Variants in ABCC8 observed in about 807,000 individuals in gnomAD.
ABCC8 encodes ATP-binding cassette sub-family C member 8.
Under a neutral mutation model 188.0 loss-of-function variants are expected in ABCC8, and 137 were observed. The ratio of observed to expected loss-of-function variants is 0.73; its 90% CI spans 0.63 to 0.84. The LOEUF (loss-of-function observed/expected upper bound fraction) is 0.84. Ranked by LOEUF, ABCC8 falls within the 40% of genes least tolerant of loss-of-function variation. The pLI, the probability that ABCC8 is intolerant of heterozygous loss-of-function variation, is 0.00. For synonymous variants in ABCC8, 797 were observed against 846.5 expected (o/e 0.94, Z 1.01); for missense variants, 1,750 against 2,072.7 (o/e 0.84, Z 3.02).
Position 17,427,026 on chromosome 11 carries a change from G to C in ABCC8, c.2222+23C>G, listed in dbSNP as rs374180071. 8.7e-6 allele frequency: 14 copies of C among 1,611,852 alleles called. No homozygotes were observed. The African/African-American group carries it at 1.9e-4, about 22-fold the overall frequency. On this transcript the variant is annotated intron_variant, in intron 16 of 38. Transcript: ENST00000389817. The surrounding 1 kb of genome is among the most constrained non-coding windows in gnomAD (Gnocchi z 5.0). ...TTAAAAGGAGATTTCCCCTCCACTG[G>C]GCCCTGAGGATACATGTATTACCTG...
At chr11:17,441,287 C>A (rs1281292653) in intron 10 of ABCC8, among the ~76,000 whole-genome samples, 1 of 152,120 alleles carries the variant, frequency 6.6e-6, no homozygotes, top group African/African-American at 2.4e-5. Context: ...AGTTAAGAGA[C>A]TTTGGAGGAT....
intron 16 of ABCC8, among the ~76,000 whole-genome samples, chr11:17,421,192 T>C (rs1955324823): frequency 6.6e-6 from 1 of 152,114 alleles, no homozygotes; most frequent in Admixed American, 6.5e-5. Flanking sequence ...AAAATACACA[T>C]CTGCATGGGG....
At chr11:17,435,336 C>A (rs1221122301) in intron 10 of ABCC8, among the ~76,000 whole-genome samples, 3 of 152,154 alleles carry the variant, frequency 2.0e-5, no homozygotes, top group Non-Finnish European at 4.4e-5. Context: ...GGCATTGTTT[C>A]CACTGTCTCA....
rs1554928874 is a variant in ABCC8, at chr11:17,434,981, T to TCGCGCGCG, written c.1631-2738_1631-2737insCGCGCGCG. ...GAGTAGAATCATCAGCTGCGTGTGT[T>TCGCGCGCG]CGCGTGTGTGTGTGTGTGTGTGTGT... is the stretch of plus-strand genomic sequence containing the variant. On this transcript the variant is annotated intron_variant, in intron 10 of 38. Coordinates refer to ENST00000389817, the MANE Select transcript of ABCC8 (RefSeq NM_000352.6). Among the ~76,000 whole-genome samples the TCGCGCGCG allele has an allele frequency of 2.9e-4, 37 of 127,860 alleles. No individual in the cohort carries two copies. In the Middle Eastern group the frequency reaches 0.022, roughly 77 times the overall value. The allele number at this position is 127,860 out of a possible 152,430, so 83.9% of individuals were successfully genotyped here.
At chr11:17,407,941 C>A (rs931099258) in intron 23 of ABCC8, among the ~76,000 whole-genome samples, 2 of 152,044 alleles carry the variant, frequency 1.3e-5, no homozygotes, top group Admixed American at 1.3e-4. Context: ...GAGAATGGAG[C>A]CAATTTGAGG....
chr11:17,406,424 A>G (rs1954526416), intron 26 of ABCC8, 198 bp downstream of exon 26: 2 of 615,636 alleles, frequency 3.2e-6, no homozygotes, highest in East Asian at 2.8e-5. Flanking sequence ...CACAATGCCT[A>G]TCACAGTATC....
chr11:17,413,029 G>C (rs1200449339), intron 20 of ABCC8: 5 of 649,272 alleles, frequency 7.7e-6, no homozygotes, highest in Non-Finnish European at 1.3e-5. Context: ...TCACACAAAA[G>C]GAGGACAGTC....
In ABCC8 at chr11:17,439,414, C is replaced by T. The variant is rs148729166; in HGVS notation, c.1630+3306G>A. Among the ~76,000 whole-genome samples the T allele has an allele frequency of 1.6e-3, 245 of 152,216 alleles. 1 individual carries two copies. The highest frequency in any genetic ancestry group is 5.7e-3 in the African/African-American group (237 of 41,510). On this transcript the variant is annotated intron_variant, in intron 10 of 38. Transcript: ENST00000389817. ...ATGTGACTCTGGGGCTCCTCTGCAG[C>T]GTCAGGACTCCAAGACTGGCGCCAG... is the stretch of plus-strand genomic sequence containing the variant.
intron 8 of ABCC8, 87 bp downstream of exon 8, chr11:17,448,429 G>C (rs981330880): frequency 1.4e-5 from 16 of 1,184,978 alleles, no homozygotes; most frequent in Non-Finnish European, 1.9e-5. Context: ...GTGGAAGACG[G>C]TGTGCTCCTA....
intron 19 of ABCC8, among the ~76,000 whole-genome samples, chr11:17,414,271 C>T (rs1159598945): frequency 1.3e-5 from 2 of 152,172 alleles, no homozygotes; most frequent in African/African-American, 4.8e-5. Context: ...GAAAAGGCAG[C>T]GGGGCTCTCT....
At chr11:17,450,323 T>C (rs1956744225) in intron 7 of ABCC8, among the ~76,000 whole-genome samples, 1 of 119,336 alleles carries the variant, frequency 8.4e-6, no homozygotes. Context: ...TCTTTCTTTC[T>C]TTCTCTCTCT....
In ABCC8 at chr11:17,406,658, C is replaced by T. The variant is rs1057523131; in HGVS notation, c.3293G>A (p.Arg1098His). ...TAGGATGATCCGGTTTAGCAGGCTGCGGTGCAGTCTCTTGGCCACCTTCAG... is the reference window on the plus strand; with the variant it reads ...TAGGATGATCCGGTTTAGCAGGCTGTGGTGCAGTCTCTTGGCCACCTTCAG... The part of the protein sequence containing the change: ...TGLKVAKRLH[R>H]SLLNRIILAP... Residue 1098 changes from arginine (R) to histidine (H), a missense_variant, in exon 26 of 39, where the codon CGC (arginine) becomes CAC (histidine). Transcript: ENST00000389817. The T allele has an allele frequency of 2.4e-5, 38 of 1,614,062 alleles. No individual in the cohort carries two copies. Among genetic ancestry groups the T allele is most frequent in the Admixed American group, 8.3e-5 (5 of 60,000 alleles).
At chr11:17,412,804 G>A (rs1215845952) in intron 20 of ABCC8, 58 bp from the exon 21 acceptor site, 4 of 1,563,306 alleles carry the variant, frequency 2.6e-6, no homozygotes, top group Non-Finnish European at 3.5e-6. Context: ...ACACTGTCCT[G>A]TACCCTACTG....
intron 6 of ABCC8, among the ~76,000 whole-genome samples, chr11:17,453,702 G>A (rs573284971): frequency 1.3e-5 from 2 of 152,266 alleles, no homozygotes; most frequent in Non-Finnish European, 2.9e-5. Context: ...CCCTTGTTCC[G>A]AACTTACCAA....
intron 8 of ABCC8, among the ~76,000 whole-genome samples, chr11:17,446,405 TGA>T (rs1956532644): frequency 6.6e-6 from 1 of 152,110 alleles, no homozygotes; most frequent in African/African-American, 2.4e-5. Context: ...TGTTAACTAA[TGA>T]GAGAAGCATG....
At chr11:17,450,337 TTTCCTTTCTTTCTTTCTTTCCTTCCTTTC>T (rs1956749694) in intron 7 of ABCC8, among the ~76,000 whole-genome samples, 1 of 145,160 alleles carries the variant, frequency 6.9e-6, no homozygotes, top group African/African-American at 2.6e-5. Context: ...TCTCTCTCTC[TTTCCTTTCTTTCTTTCTTTCCTTCCTTTC>T]CTTTCCTTTC....
At chr11:17,453,554 T>G (rs144997158) in intron 6 of ABCC8, among the ~76,000 whole-genome samples, 193 of 152,254 alleles carry the variant, frequency 1.3e-3, no homozygotes, top group African/African-American at 4.6e-3. Context: ...CCCATAAATA[T>G]GACTCTTAGC....
intron 5 of ABCC8, 112 bp from the exon 6 acceptor site, chr11:17,460,788 A>C (rs1383440141): frequency 1.9e-6 from 3 of 1,544,644 alleles, no homozygotes; most frequent in African/African-American, 2.7e-5. Context: ...CAGTGGTCAC[A>C]TCCTCTGCAA....
chr11:17,424,101 G>A (rs576994105), intron 16 of ABCC8, among the ~76,000 whole-genome samples: 1 of 152,306 alleles, frequency 6.6e-6, no homozygotes, highest in South Asian at 2.1e-4. Context: ...CACTATAAGT[G>A]GGAGTTGAAC....
Sources: allele counts gnomAD v4.1 joint callset (sites outside exome capture counted in the v4.1 genomes callset), GRCh38; gene constraint gnomAD v4.1.1; non-coding constraint Gnocchi (gnomAD v3.1); transcripts MANE v1.5; gene names NCBI Gene and HGNC (gene_info 2026-07-23, HGNC 2026-07-21).